Variants in PLPP4 observed in about 807,000 individuals in gnomAD.
PLPP4 encodes the protein phospholipid phosphatase 4.
Under a neutral mutation model 32.2 loss-of-function variants are expected in PLPP4, and 20 were observed. That is an observed-to-expected ratio of 0.62 (90% CI 0.44 to 0.90). PLPP4 has a LOEUF of 0.90. Ranked by LOEUF, PLPP4 falls within the 40% of genes least tolerant of loss-of-function variation. The pLI, the probability that PLPP4 is intolerant of heterozygous loss-of-function variation, is 0.00. For missense variants in PLPP4, 257 were observed against 353.1 expected, an observed-to-expected ratio of 0.73 and a Z score of 2.18; for synonymous variants, 127 against 133.0, an observed-to-expected ratio of 0.95 and a Z score of 0.31.
At chr10:120,561,364 G>A (rs367799924) in intron 5 of PLPP4, among the ~76,000 whole-genome samples, 30 of 151,894 alleles carry the variant, frequency 2.0e-4, no homozygotes, top group African/African-American at 6.8e-4. Flanking sequence ...TATGGATACC[G>A]GCACCATTTA....
intron 1 of PLPP4, among the ~76,000 whole-genome samples, chr10:120,494,026 G>A (rs561063278): frequency 4.6e-4 from 70 of 152,230 alleles, no homozygotes; most frequent in African/African-American, 1.5e-3. Flanking sequence ...TCACTATTCT[G>A]AGATAAGCAG....
intron 5 of PLPP4, among the ~76,000 whole-genome samples, chr10:120,553,261 G>A (rs909355198): frequency 1.3e-5 from 2 of 152,148 alleles, no homozygotes; most frequent in African/African-American, 4.8e-5. Flanking sequence ...AATCACCAAT[G>A]TCATGGTTTT....
At chr10:120,503,502 C>G in intron 1 of PLPP4, 1 of 1,563,036 alleles carries the variant, frequency 6.4e-7, no homozygotes, top group South Asian at 1.2e-5. Context: ...TGGCCTTGCC[C>G]TATTCTGACT....
At chr10:120,503,551 G>A (rs1447066391) in intron 1 of PLPP4, 2 of 1,604,172 alleles carry the variant, frequency 1.2e-6, no homozygotes, top group East Asian at 2.2e-5. Flanking sequence ...AGTCCTTGGA[G>A]TCTTTGTACA....
rs368863291 is a variant in PLPP4, at chr10:120,585,191, G to A, written c.617-4112G>A. Among the ~76,000 whole-genome samples, 14 of 152,344 alleles carry A rather than the reference G, an allele frequency of 9.2e-5. No homozygotes were observed. The East Asian group carries it at 2.1e-3, about 23-fold the overall frequency. On this transcript the variant is annotated intron_variant, in intron 6 of 6. Transcript: ENST00000398250. The stretch of plus-strand genomic sequence containing the variant: ...AGTGCAACTCTAAGACCTTGAACTA[G>A]TAAAAGGCCTGACACATTTTATAGG...
chr10:120,545,103 G>A (rs555198587), intron 5 of PLPP4, among the ~76,000 whole-genome samples: 1 of 152,336 alleles, frequency 6.6e-6, no homozygotes, highest in East Asian at 1.9e-4. Context: ...TCTTTATAGG[G>A]CTGCCAGTTT....
intron 2 of PLPP4, among the ~76,000 whole-genome samples, chr10:120,511,906 C>T (rs1026799462): frequency 2.6e-5 from 4 of 152,082 alleles, no homozygotes; most frequent in Non-Finnish European, 5.9e-5. Context: ...TCCTGGCTAA[C>T]ACGGTGAAAC....
chr10:120,493,958 G>A (rs907280314), intron 1 of PLPP4, among the ~76,000 whole-genome samples: 1 of 152,122 alleles, frequency 6.6e-6, no homozygotes, highest in Non-Finnish European at 1.5e-5. Flanking sequence ...CCCTGGTAGT[G>A]GCAGGAGGAT....
intron 6 of PLPP4, among the ~76,000 whole-genome samples, chr10:120,588,753 A>G (rs1001319932): frequency 6.6e-6 from 1 of 152,236 alleles, no homozygotes; most frequent in African/African-American, 2.4e-5. Flanking sequence ...AGTTAAAGAA[A>G]TACAGGGAAG....
intron 5 of PLPP4, among the ~76,000 whole-genome samples, chr10:120,566,948 T>G (rs1848720429): frequency 6.6e-6 from 1 of 152,192 alleles, no homozygotes; most frequent in Non-Finnish European, 1.5e-5. Context: ...TCCTGAGACT[T>G]TGTTTCTTCG....
chr10:120,580,393 T>G (rs75135082), intron 6 of PLPP4, among the ~76,000 whole-genome samples: 2,441 of 152,192 alleles, frequency 0.016, 68 homozygotes, highest in African/African-American at 0.055. Context: ...AGAGTGTCAT[T>G]TAGCATGGAA....
At chr10:120,483,358 C>G (rs1844299356) in intron 1 of PLPP4, among the ~76,000 whole-genome samples, 1 of 152,166 alleles carries the variant, frequency 6.6e-6, no homozygotes, top group Non-Finnish European at 1.5e-5. Flanking sequence ...AATAAACTCC[C>G]CATTCATATA....
chr10:120,538,642 T>G (rs1295192563), intron 5 of PLPP4, among the ~76,000 whole-genome samples: 2 of 152,170 alleles, frequency 1.3e-5, no homozygotes, highest in African/African-American at 4.8e-5. Context: ...AGGATCTGGC[T>G]CCTGCTGTCT....
chr10:120,481,141 A>G (rs1470651289), intron 1 of PLPP4, among the ~76,000 whole-genome samples: 1 of 152,180 alleles, frequency 6.6e-6, no homozygotes, highest in Admixed American at 6.5e-5. Context: ...ACATTCCTGG[A>G]GCATGGGGTG....
At position 120,547,379 on chromosome 10, in the gene PLPP4, C is replaced by T. The variant is rs377475718; in HGVS notation, c.445+26284C>T. Among the ~76,000 whole-genome samples the T allele has an allele frequency of 3.9e-5, 6 of 152,172 alleles. No homozygotes were observed. In the South Asian group the frequency reaches 6.2e-4, roughly 16 times the overall value. Reference sequence around the variant, plus strand: ...ACACAGCATATTATAAACTTGCAAGCGATGCTTCCCATCCTCATTAATCAC... The same window carrying T: ...ACACAGCATATTATAAACTTGCAAGTGATGCTTCCCATCCTCATTAATCAC... On this transcript the variant is annotated intron_variant, in intron 5 of 6. Transcript: ENST00000398250.
chr10:120,558,876 ACT>A (rs1848289626), intron 5 of PLPP4, among the ~76,000 whole-genome samples: 1 of 152,020 alleles, frequency 6.6e-6, no homozygotes, highest in Non-Finnish European at 1.5e-5. Context: ...TCCAAATATA[ACT>A]CTCAGATAAA....
At chr10:120,485,736 G>C (rs1412958714) in intron 1 of PLPP4, among the ~76,000 whole-genome samples, 33 of 152,304 alleles carry the variant, frequency 2.2e-4, no homozygotes, top group Non-Finnish European at 1.3e-4. Flanking sequence ...TAAAAGAAAA[G>C]AACAAGAAAA....
At chr10:120,549,795 A>G (rs565419161) in intron 5 of PLPP4, among the ~76,000 whole-genome samples, 2 of 152,130 alleles carry the variant, frequency 1.3e-5, no homozygotes, top group East Asian at 3.9e-4. Context: ...CTTATGCATG[A>G]CAAAAAATCT....
intron 1 of PLPP4, among the ~76,000 whole-genome samples, chr10:120,470,914 TA>T (rs766435410): frequency 1.3e-5 from 2 of 152,212 alleles, no homozygotes; most frequent in African/African-American, 4.8e-5. Flanking sequence ...CTCTGTGCTT[TA>T]ATTTCCTAAC....
Sources: gnomAD v4.1 joint callset for allele counts (sites outside exome capture counted in the v4.1 genomes callset) on GRCh38, gnomAD v4.1.1 for gene constraint, MANE v1.5 for transcripts, NCBI Gene and HGNC (gene_info 2026-07-23, HGNC 2026-07-21) for gene names.